ITGA9: variants seen among roughly 807,000 people sequenced by gnomAD.
ITGA9 encodes the protein integrin subunit alpha 9.
Under a neutral mutation model 127.8 loss-of-function variants are expected in ITGA9, and 56 were observed. The ratio of observed to expected loss-of-function variants is 0.44; its 90% confidence interval spans 0.35 to 0.55. The LOEUF (loss-of-function observed/expected upper bound fraction) is 0.55, where lower values mean the gene tolerates loss of function less well. Ranked by LOEUF, ITGA9 falls within the 20% of genes least tolerant of loss-of-function variation. The pLI is 0.00. For synonymous variants in ITGA9, 508 were observed against 514.5 expected, an observed-to-expected ratio of 0.99 and a Z score of 0.17; for missense variants, 1,196 against 1,347.1, an observed-to-expected ratio of 0.89 and a Z score of 1.76.
chr3:37,601,686 C>T (rs967552830), intron 15 of ITGA9, among the ~76,000 whole-genome samples: 1 of 152,240 alleles, frequency 6.6e-6, no homozygotes. Context: ...TGACATCAAT[C>T]AAACTTGAAC....
chr3:37,736,540 AAG>A (rs1418886665), intron 19 of ITGA9, among the ~76,000 whole-genome samples: 1 of 152,256 alleles, frequency 6.6e-6, no homozygotes, highest in African/African-American at 2.4e-5. Flanking sequence ...TTTAAACTAA[AAG>A]AGTAAGGCAA....
At chr3:37,678,133 T>C (rs1204382178) in intron 17 of ITGA9, among the ~76,000 whole-genome samples, 2 of 152,200 alleles carry the variant, frequency 1.3e-5, no homozygotes, top group African/African-American at 4.8e-5. Flanking sequence ...GCTATGAACA[T>C]GGGGGAACAA....
At chr3:37,489,755 A>G (rs1011310820) in intron 4 of ITGA9, among the ~76,000 whole-genome samples, 1 of 147,986 alleles carries the variant, frequency 6.8e-6, no homozygotes, top group African/African-American at 2.5e-5. Context: ...GTATTGTACA[A>G]TTATCAGTTA....
intron 18 of ITGA9, among the ~76,000 whole-genome samples, chr3:37,712,779 A>G (rs1305032054): frequency 6.6e-6 from 1 of 152,164 alleles, no homozygotes; most frequent in African/African-American, 2.4e-5. Flanking sequence ...TGATTGGTCC[A>G]ATTGAGTTAA....
chr3:37,744,072 T>A, intron 22 of ITGA9, 38 bp downstream of exon 22: 1 of 1,352,738 alleles, frequency 7.4e-7, no homozygotes, highest in Non-Finnish European at 1.1e-6. Context: ...CCGTGGGGGC[T>A]AACGGAAGGG....
chr3:37,457,819 CAG>C (rs1211848822), intron 1 of ITGA9, among the ~76,000 whole-genome samples: 1 of 152,164 alleles, frequency 6.6e-6, no homozygotes, highest in African/African-American at 2.4e-5. Flanking sequence ...TGGCTGGGGG[CAG>C]AGACAGCTGT....
At chr3:37,667,600 T>A (rs781405945) in intron 17 of ITGA9, among the ~76,000 whole-genome samples, 6 of 152,356 alleles carry the variant, frequency 3.9e-5, no homozygotes, top group Middle Eastern at 3.4e-3. Flanking sequence ...AGCTCAGGCG[T>A]AAGCACAACC....
intron 10 of ITGA9, among the ~76,000 whole-genome samples, 190 bp from the exon 11 acceptor site, chr3:37,519,070 C>T (rs1395017727): frequency 6.7e-6 from 1 of 149,828 alleles, no homozygotes; most frequent in Non-Finnish European, 1.5e-5. Context: ...CAGGCGTGAG[C>T]CACCACACTG....
chr3:37,675,783 T>C (rs1700675781), intron 17 of ITGA9, among the ~76,000 whole-genome samples: 4 of 151,032 alleles, frequency 2.6e-5, no homozygotes, highest in African/African-American at 9.8e-5. Context: ...CTTGCTCTTT[T>C]GCCAGACTGG....
intron 15 of ITGA9, among the ~76,000 whole-genome samples, chr3:37,596,864 C>T (rs1699875665): frequency 6.6e-6 from 1 of 152,168 alleles, no homozygotes; most frequent in Non-Finnish European, 1.5e-5. Flanking sequence ...CGTGCAATGC[C>T]ACAAAGCCAC....
chr3:37,709,588 G>T (rs1701054954), intron 18 of ITGA9, among the ~76,000 whole-genome samples: 1 of 152,216 alleles, frequency 6.6e-6, no homozygotes, highest in Non-Finnish European at 1.5e-5. Flanking sequence ...ATTGCGGGAG[G>T]GCTCTTCCTC....
intron 27 of ITGA9, among the ~76,000 whole-genome samples, chr3:37,813,626 G>C (rs1317254001): frequency 6.6e-6 from 1 of 152,128 alleles, no homozygotes; most frequent in East Asian, 1.9e-4. Context: ...CTTTTTTCTG[G>C]TTCTTGCAAA....
intron 17 of ITGA9, among the ~76,000 whole-genome samples, chr3:37,669,721 C>T (rs1010367512): frequency 2.6e-5 from 4 of 152,122 alleles, no homozygotes; most frequent in African/African-American, 9.7e-5. Context: ...TATTTAAAAA[C>T]CAGACTTGTG....
At chr3:37,611,533 T>C (rs1700016486) in intron 15 of ITGA9, among the ~76,000 whole-genome samples, 1 of 152,110 alleles carries the variant, frequency 6.6e-6, no homozygotes, top group African/African-American at 2.4e-5. Flanking sequence ...TATTGGAATT[T>C]TGATGACCTT....
intron 15 of ITGA9, 69 bp downstream of exon 15, chr3:37,542,654 A>T (rs1216591854): frequency 1.3e-6 from 2 of 1,521,994 alleles, no homozygotes; most frequent in East Asian, 4.5e-5. Flanking sequence ...GCTGGTGGAA[A>T]CTATTTTTAT....
At chr3:37,559,323 T>C (rs1485723637) in intron 15 of ITGA9, among the ~76,000 whole-genome samples, 3 of 152,098 alleles carry the variant, frequency 2.0e-5, no homozygotes, top group African/African-American at 7.2e-5. Flanking sequence ...TTTGAGGTCA[T>C]TTAATAAGGG....
intron 15 of ITGA9, among the ~76,000 whole-genome samples, chr3:37,607,785 AAAC>A (rs1447457836): frequency 2.0e-5 from 3 of 152,216 alleles, no homozygotes; most frequent in Non-Finnish European, 4.4e-5. Context: ...AACCTTGTAG[AAAC>A]AACATCGTGC....
At chr3:37,707,546 AG>A (rs1701020461) in intron 18 of ITGA9, among the ~76,000 whole-genome samples, 1 of 152,084 alleles carries the variant, frequency 6.6e-6, no homozygotes, top group Admixed American at 6.5e-5. Context: ...TTCTGTGTTC[AG>A]AATGTCATTC....
chr3:37,732,955 G>A lies in ITGA9; in HGVS notation c.2154+157G>A, dbSNP rs980038428. On this transcript the variant is annotated intron_variant, in intron 19 of 27. Transcript: ENST00000264741. Reference sequence around the variant, plus strand: ...GAAGCCCTGACATGCTCCTGTCCCTGGCTGTGTACACCGGGGTATACTCCG... The same window carrying A: ...GAAGCCCTGACATGCTCCTGTCCCTAGCTGTGTACACCGGGGTATACTCCG... The A allele has an allele frequency of 7.2e-6, 5 of 690,766 alleles. No homozygotes were observed. In the Admixed American group the frequency reaches 1.0e-4, roughly 14 times the overall value. The allele number at this position is 690,766 out of a possible 1,614,324, so 42.8% of individuals were successfully genotyped here.
Sources: allele counts gnomAD v4.1 joint callset (sites outside exome capture counted in the v4.1 genomes callset), GRCh38; gene constraint gnomAD v4.1.1; transcripts MANE v1.5; gene names NCBI Gene and HGNC (gene_info 2026-07-23, HGNC 2026-07-21).